Variants in JAK2 observed in about 807,000 individuals in gnomAD.
The protein encoded by JAK2 is tyrosine-protein kinase JAK2.
Under a neutral mutation model 139.3 loss-of-function variants are expected in JAK2, and 86 were observed. The observed-to-expected ratio is 0.62, with a 90% confidence interval of 0.52 to 0.74. The LOEUF is 0.74. Among genes scored for constraint, JAK2 ranks in the 30% least tolerant of loss-of-function variants. The pLI is 0.00. For missense variants in JAK2, 1,421 were observed against 1,360.3 expected, an observed-to-expected ratio of 1.04 and a Z score of -0.70; for synonymous variants, 490 against 437.7, an observed-to-expected ratio of 1.12 and a Z score of -1.49.
intron 4 of JAK2, chr9:5,041,816 C>G (rs991383234): frequency 1.2e-5 from 6 of 484,278 alleles, no homozygotes; most frequent in Non-Finnish European, 2.5e-5. Flanking sequence ...ACAGCAAAAA[C>G]CAGGCGCTGA....
chr9:5,119,340 G>A (rs1028754494), intron 22 of JAK2, among the ~76,000 whole-genome samples: 1 of 151,828 alleles, frequency 6.6e-6, no homozygotes. Flanking sequence ...CATATCCAGA[G>A]GTCCTCCTTC....
chr9:5,046,262 T>C (rs1817001757), intron 5 of JAK2, among the ~76,000 whole-genome samples: 1 of 152,090 alleles, frequency 6.6e-6, no homozygotes, highest in Non-Finnish European at 1.5e-5. Flanking sequence ...TTAAATCAGG[T>C]TGTTTGTTTG....
intron 22 of JAK2, among the ~76,000 whole-genome samples, chr9:5,103,909 T>C (rs567586602): frequency 6.6e-6 from 1 of 152,056 alleles, no homozygotes; most frequent in African/African-American, 2.4e-5. Context: ...CTGGGACATA[T>C]TTAAGGCAGT....
At chr9:5,015,981 C>T (rs191882254) in intron 2 of JAK2, among the ~76,000 whole-genome samples, 2 of 152,228 alleles carry the variant, frequency 1.3e-5, no homozygotes, top group Admixed American at 1.3e-4. Flanking sequence ...GTGGTTAAAG[C>T]CTATGCTATG....
intron 8 of JAK2, among the ~76,000 whole-genome samples, chr9:5,061,908 A>G (rs964339392): frequency 5.3e-5 from 8 of 152,214 alleles, no homozygotes; most frequent in African/African-American, 1.9e-4. Flanking sequence ...TTGTAGGATT[A>G]TTAATTGGCC....
chr9:5,029,825 A>G lies in JAK2; in HGVS notation c.269A>G (p.Glu90Gly). The change falls in exon 4 of 25, where the codon GAA becomes GGA. Residue 90 changes from glutamate (E) to glycine (G), a missense_variant. Physicochemically the swap from Glu to Gly is moderately conservative, Grantham distance 98. Coordinates refer to ENST00000381652, the MANE Select transcript of JAK2 (RefSeq NM_004972.4). ...CATAATATGTTTGCTTTAATGAGTGAAACAGAAAGGATCTGGTATCCACCC... is the reference window on the plus strand; with the variant it reads ...CATAATATGTTTGCTTTAATGAGTGGAACAGAAAGGATCTGGTATCCACCC... ...VYHNMFALMS[E>G]TERIWYPPNH... 2 of 1,611,556 alleles carry G rather than the reference A, an allele frequency of 1.2e-6. No individual in the cohort carries two copies. The highest frequency in any genetic ancestry group is 1.7e-6 in the Non-Finnish European group (2 of 1,178,068).
At chr9:4,991,621 G>A (rs897311944) in intron 2 of JAK2, among the ~76,000 whole-genome samples, 5 of 152,154 alleles carry the variant, frequency 3.3e-5, no homozygotes, top group African/African-American at 4.8e-5. Context: ...ATGGTAAAAT[G>A]TGTATAAAGT....
At position 5,080,397 on chromosome 9, in the gene JAK2, TA is replaced by T; in HGVS notation, c.2283+19del. 6.3e-7 allele frequency: 1 copy of T among 1,588,594 alleles called. No homozygotes were observed. Among genetic ancestry groups the T allele is most frequent in the South Asian group, 1.1e-5 (1 of 87,218 alleles). On this transcript the variant is annotated intron_variant, in intron 17 of 24. Coordinates refer to ENST00000381652, the MANE Select transcript of JAK2 (RefSeq NM_004972.4). ...TCTCAAAGAGTAAGTTTATATAGAC[TA>T]AGTTAGAATTACTCTATCTCTGAAC... is the stretch of plus-strand genomic sequence containing the variant.
chr9:5,084,551 A>T (rs187898927), intron 19 of JAK2, among the ~76,000 whole-genome samples: 171 of 152,230 alleles, frequency 1.1e-3, no homozygotes, highest in African/African-American at 3.6e-3. Context: ...TTTATTTTTT[A>T]AAAAATATTT....
intron 19 of JAK2, 114 bp from the exon 20 acceptor site, chr9:5,089,560 A>G: frequency 2.7e-6 from 1 of 365,418 alleles, no homozygotes; most frequent in Non-Finnish European, 4.6e-6. Flanking sequence ...AAAAAAAAAA[A>G]AAAAAGACAG....
intron 22 of JAK2, among the ~76,000 whole-genome samples, chr9:5,101,304 C>T (rs914786210): frequency 2.0e-5 from 3 of 152,220 alleles, no homozygotes; most frequent in Admixed American, 6.5e-5. Context: ...AAGATCCACC[C>T]GTGAGGCAGC....
rs571118856 is a variant in JAK2, at chr9:5,036,693, C to G, written c.350+6787C>G. ...GCTGAAACTGGATCCCTTCCTTACA[C>G]CTTATACAAAAATTAATTCAAGATG... On this transcript the variant is annotated intron_variant, in intron 4 of 24. Coordinates refer to ENST00000381652, the MANE Select transcript of JAK2 (RefSeq NM_004972.4). 4.6e-5 allele frequency among the ~76,000 whole-genome samples: 7 copies of G among 152,258 alleles called. No homozygotes were observed. The East Asian group carries it at 1.2e-3, about 25-fold the overall frequency.
At chr9:5,123,481 T>G (rs1276516496) in intron 23 of JAK2, among the ~76,000 whole-genome samples, 2 of 152,036 alleles carry the variant, frequency 1.3e-5, no homozygotes, top group Non-Finnish European at 2.9e-5. Flanking sequence ...AGACATAATT[T>G]CATTCGTTGT....
chr9:5,112,273 C>G lies in JAK2; in HGVS notation c.3060-10731C>G, dbSNP rs1052423351. On this transcript the variant is annotated intron_variant, in intron 22 of 24. Transcript: ENST00000381652. Reference sequence around the variant, plus strand: ...ACCCTGAGGACGGCCCTGCGGGCAGCGCCAGCCTCATGCACATCCATGTTG... The same window carrying G: ...ACCCTGAGGACGGCCCTGCGGGCAGGGCCAGCCTCATGCACATCCATGTTG... The G allele has an allele frequency of 2.7e-5, 7 of 262,242 alleles. No homozygotes were observed. The South Asian group carries it at 2.8e-4, about 10-fold the overall frequency. 16.2% of individuals were successfully genotyped at this position (262,242 alleles called of 1,614,324 possible). A position where few individuals can be genotyped will look rare whatever the true frequency, so the allele number is the denominator to read the frequency against.
chr9:5,124,903 A>AAAAT (rs1823874807), intron 23 of JAK2, among the ~76,000 whole-genome samples: 1 of 151,630 alleles, frequency 6.6e-6, no homozygotes. Context: ...AATATCAAAC[A>AAAAT]AAATAATCCC....
In JAK2 at chr9:5,069,023, G is replaced by A. The variant is rs753648225; in HGVS notation, c.1328G>A (p.Arg443Gln). 16 of 1,559,296 alleles carry A rather than the reference G, an allele frequency of 1.0e-5. No individual in the cohort carries two copies. Among genetic ancestry groups the A allele is most frequent in the South Asian group, 4.7e-5 (4 of 85,454 alleles). ...TTCTTTATAATTAAACTTATACAGC[G>A]AGAAAATGTCATTGAATATAAACAC... ...NKYFLTFAVE[R>Q]ENVIEYKHCL... The change falls in exon 11 of 25, where the codon CGA becomes CAA. Residue 443 changes from arginine to glutamine, a missense_variant and splice_region_variant. Arg to Gln is a conservative substitution (Grantham distance 43, BLOSUM62 1). Coordinates refer to ENST00000381652, the MANE Select transcript of JAK2 (RefSeq NM_004972.4).
At chr9:5,102,677 A>T (rs1821603340) in intron 22 of JAK2, among the ~76,000 whole-genome samples, 1 of 152,258 alleles carries the variant, frequency 6.6e-6, no homozygotes, top group Non-Finnish European at 1.5e-5. Flanking sequence ...GAAGCCCATC[A>T]GACTAACAGC....
rs570646896 is a variant in JAK2 at position 5,029,644 on chromosome 9, T to C, written c.227-139T>C. 5 of 646,420 alleles carry C rather than the reference T, an allele frequency of 7.7e-6. No homozygotes were observed. The African/African-American group carries it at 9.2e-5, about 12-fold the overall frequency. 40.0% of individuals were successfully genotyped at this position (646,420 alleles called of 1,614,324 possible). A position where few individuals can be genotyped will look rare whatever the true frequency, so the allele number is the denominator to read the frequency against. On this transcript the variant is annotated intron_variant, in intron 3 of 24. Coordinates refer to ENST00000381652, the MANE Select transcript of JAK2 (RefSeq NM_004972.4). ...AATAATTCAGTTGTAGGGGTTGGTATATCAAAAGATTTCGACTGCTATTAC... is the reference window on the plus strand; with the variant it reads ...AATAATTCAGTTGTAGGGGTTGGTACATCAAAAGATTTCGACTGCTATTAC...
At chr9:5,114,190 G>A (rs752011077) in intron 22 of JAK2, 3 of 463,932 alleles carry the variant, frequency 6.5e-6, no homozygotes, top group Non-Finnish European at 4.3e-6. Flanking sequence ...CAAGGGGTGA[G>A]CACCTACCTG....
Sources: gnomAD v4.1 joint callset for allele counts (sites outside exome capture counted in the v4.1 genomes callset) on GRCh38, gnomAD v4.1.1 for gene constraint, MANE v1.5 for transcripts, NCBI Gene and HGNC (gene_info 2026-07-23, HGNC 2026-07-21) for gene names.